The following LRP1B variants were observed in gnomAD, a reference collection of about 807,000 sequenced individuals.
LRP1B encodes the protein low-density lipoprotein receptor-related protein 1B.
In LRP1B, 217 loss-of-function variants were observed where a neutral mutation model predicts 556.6. The ratio of observed to expected loss-of-function variants is 0.39; its 90% CI spans 0.35 to 0.44. LRP1B has a LOEUF of 0.44. LRP1B is among the 20% of genes least tolerant of loss of function. The pLI, the probability that LRP1B is intolerant of heterozygous loss-of-function variation, is 1.00. For missense variants in LRP1B, 5,053 were observed against 5,620.8 expected, an observed-to-expected ratio of 0.90 and a Z score of 3.23; for synonymous variants, 2,047 against 1,865.8, an observed-to-expected ratio of 1.10 and a Z score of -2.50.
At chr2:141,346,591 T>G (rs1688265188) in intron 3 of LRP1B, among the ~76,000 whole-genome samples, 1 of 152,138 alleles carries the variant, frequency 6.6e-6, no homozygotes, top group Non-Finnish European at 1.5e-5. Flanking sequence ...GTGTGAGGTA[T>G]ACCCTGAACG....
At chr2:142,007,463 C>CTA (rs1702836661) in intron 1 of LRP1B, among the ~76,000 whole-genome samples, 1 of 152,088 alleles carries the variant, frequency 6.6e-6, no homozygotes, top group Non-Finnish European at 1.5e-5. Context: ...GCTTCCTTAT[C>CTA]TAGTCATTAG....
rs1475910252 is a variant in LRP1B at position 140,702,165 on chromosome 2, C to T, written c.6278G>A (p.Gly2093Glu). 2 of 1,613,278 alleles carry T rather than the reference C, an allele frequency of 1.2e-6. No individual in the cohort carries two copies. Among genetic ancestry groups the T allele is most frequent in the African/African-American group, 2.7e-5 (2 of 74,840 alleles). ...CCTGTCAGACCAGTAGATGTAAGCC[C>T]CAAAGACTGCAACTGAAAACATATC... is the stretch of plus-strand genomic sequence containing the variant. Reference protein sequence around the residue: ...NVDMFSVAVFGAYIYWSDRAH... With the variant: ...NVDMFSVAVFEAYIYWSDRAH... The change falls in exon 39 of 91, where the codon GGG (glycine) becomes GAG (glutamate). Residue 2093 changes from glycine to glutamate, a missense_variant. This residue lies in a region of LRP1B where 3,619 missense variants were observed against 3,931.9 expected (regional missense o/e 0.92). Transcript: ENST00000389484.
At chr2:141,933,643 GT>G (rs1405397815) in intron 1 of LRP1B, among the ~76,000 whole-genome samples, 1 of 152,130 alleles carries the variant, frequency 6.6e-6, no homozygotes, top group Non-Finnish European at 1.5e-5. Context: ...TGGCTACAGA[GT>G]TTTTAGCTTG....
chr2:141,591,468 C>T (rs1469809497), intron 2 of LRP1B, among the ~76,000 whole-genome samples: 1 of 151,188 alleles, frequency 6.6e-6, no homozygotes, highest in African/African-American at 2.4e-5. Flanking sequence ...TGTTTGTGTC[C>T]CCACTCCCAG....
rs2105419439 is a variant in LRP1B at position 140,700,239 on chromosome 2, A to T, written c.6799+11T>A. 6.2e-7 allele frequency: 1 copy of T among 1,601,712 alleles called. No individual in the cohort carries two copies. Among genetic ancestry groups the T allele is most frequent in the Non-Finnish European group, 8.5e-7 (1 of 1,172,300 alleles). On this transcript the variant is annotated intron_variant, in intron 41 of 90. Coordinates refer to ENST00000389484, the MANE Select transcript of LRP1B (RefSeq NM_018557.3). The stretch of plus-strand genomic sequence containing the variant: ...ATTTCCACCTATTTAAAATTGAATT[A>T]CTGTACTTACTTTCAACAATTACTT...
intron 66 of LRP1B, among the ~76,000 whole-genome samples, chr2:140,415,041 G>T (rs1685126917): frequency 6.6e-6 from 1 of 152,120 alleles, no homozygotes; most frequent in South Asian, 2.1e-4. Flanking sequence ...GGGAATGTCT[G>T]TCTTATTCGA....
At chr2:140,795,161 G>T (rs748005255) in intron 32 of LRP1B, among the ~76,000 whole-genome samples, 6 of 152,004 alleles carry the variant, frequency 3.9e-5, no homozygotes, top group African/African-American at 7.2e-5. Context: ...TCTTGTAAAG[G>T]TTCTGTGTCA....
intron 20 of LRP1B, among the ~76,000 whole-genome samples, chr2:140,943,388 C>G (rs908215006): frequency 6.6e-6 from 1 of 151,736 alleles, no homozygotes; most frequent in East Asian, 1.9e-4. Flanking sequence ...CAAATGAATT[C>G]TGTTACTCAA....
chr2:141,044,490 A>C (rs1355598253), intron 11 of LRP1B, among the ~76,000 whole-genome samples: 4 of 149,900 alleles, frequency 2.7e-5, no homozygotes, highest in Admixed American at 6.6e-5. Flanking sequence ...GGCAACCTAC[A>C]AAATGGGAGA....
intron 3 of LRP1B, among the ~76,000 whole-genome samples, chr2:141,434,471 T>A (rs1412429051): frequency 1.3e-5 from 2 of 150,056 alleles, no homozygotes; most frequent in African/African-American, 4.9e-5. Flanking sequence ...ATGTTTTTTT[T>A]ATTTGAGGAA....
chr2:140,741,030 C>G (rs1230410994), intron 35 of LRP1B, among the ~76,000 whole-genome samples: 1 of 152,002 alleles, frequency 6.6e-6, no homozygotes, highest in Non-Finnish European at 1.5e-5. Flanking sequence ...TTTGTAATCC[C>G]CATAAGAACA....
At chr2:140,487,978 A>C (rs930400225) in intron 57 of LRP1B, among the ~76,000 whole-genome samples, 3 of 152,034 alleles carry the variant, frequency 2.0e-5, no homozygotes, top group African/African-American at 7.2e-5. Flanking sequence ...CAAAATTTCA[A>C]AATATTTACA....
intron 7 of LRP1B, among the ~76,000 whole-genome samples, chr2:141,099,760 G>A (rs746479470): frequency 6.6e-6 from 1 of 152,120 alleles, no homozygotes; most frequent in South Asian, 2.1e-4. Context: ...TAGTAAAAGA[G>A]GGCTGTCAAC....
At chr2:140,868,296 A>G (rs374291494) in intron 25 of LRP1B, 33 bp from the exon 26 acceptor site, 39 of 1,493,882 alleles carry the variant, frequency 2.6e-5, no homozygotes, top group Non-Finnish European at 3.1e-5. Flanking sequence ...AAATAATACT[A>G]TTGTTTCAGT....
At chr2:141,477,959 C>A (rs529512230) in intron 3 of LRP1B, among the ~76,000 whole-genome samples, 1 of 18,240 alleles carries the variant, frequency 5.5e-5, no homozygotes, top group South Asian at 8.5e-3. Context: ...AAACCTCCTA[C>A]TGGCAAAAAA....
chr2:141,292,349 G>C (rs554087710), intron 3 of LRP1B, among the ~76,000 whole-genome samples: 1 of 152,210 alleles, frequency 6.6e-6, no homozygotes, highest in South Asian at 2.1e-4. Flanking sequence ...AGGGTGCAGA[G>C]ATAACCAGAA....
chr2:141,544,358 C>CTTTTCTTCTTCTTCTTCTT (rs1406295621), intron 2 of LRP1B, among the ~76,000 whole-genome samples: 2 of 96,580 alleles, frequency 2.1e-5, no homozygotes, highest in African/African-American at 7.7e-5. Context: ...TCTTCTTCTT[C>CTTTTCTTCTTCTTCTTCTT]TTCTTCTTCT....
intron 23 of LRP1B, chr2:140,899,004 G>T: frequency 2.7e-6 from 1 of 363,948 alleles, no homozygotes; most frequent in African/African-American, 2.1e-5. Flanking sequence ...TGCTTTCACA[G>T]AGCATCTGCA....
At chr2:142,013,938 G>A (rs1303686887) in intron 1 of LRP1B, among the ~76,000 whole-genome samples, 1 of 152,110 alleles carries the variant, frequency 6.6e-6, no homozygotes, top group African/African-American at 2.4e-5. Flanking sequence ...AAACTTGGGA[G>A]TGCCCAGATA....
Sources: gnomAD v4.1 joint callset for allele counts (sites outside exome capture counted in the v4.1 genomes callset) on GRCh38, gnomAD v4.1.1 for gene constraint, gnomAD v4.1.1 regional missense constraint, MANE v1.5 for transcripts, NCBI Gene and HGNC (gene_info 2026-07-23, HGNC 2026-07-21) for gene names.